Variants in HCN4 observed in about 807,000 individuals in gnomAD.
The protein encoded by HCN4 is hyperpolarization activated cyclic nucleotide gated potassium channel 4.
A neutral mutation model predicts 76.9 loss-of-function variants in HCN4; 29 were observed. The ratio of observed to expected loss-of-function variants is 0.38; its 90% CI spans 0.28 to 0.51. The LOEUF is 0.51. Ranked by LOEUF, HCN4 falls within the 20% of genes least tolerant of loss-of-function variation. The pLI is 0.90. For synonymous variants in HCN4, 772 were observed against 762.5 expected (o/e 1.01, Z -0.21); for missense variants, 1,416 against 1,715.2 (o/e 0.83, Z 3.08).
chr15:73,342,121 G>A (rs903286195), intron 2 of HCN4, among the ~76,000 whole-genome samples: 4 of 152,216 alleles, frequency 2.6e-5, no homozygotes, highest in Non-Finnish European at 5.9e-5. Context: ...TGCCGCTGCT[G>A]CCAAGTTGTG....
At chr15:73,349,443 T>C (rs933269943) in intron 1 of HCN4, among the ~76,000 whole-genome samples, 1 of 152,108 alleles carries the variant, frequency 6.6e-6, no homozygotes, top group Non-Finnish European at 1.5e-5. Context: ...TTGCCATATA[T>C]GGTGGGCCAA....
At chr15:73,366,185 A>G (rs1595836728) in intron 1 of HCN4, among the ~76,000 whole-genome samples, 1 of 152,070 alleles carries the variant, frequency 6.6e-6, no homozygotes, top group Admixed American at 6.5e-5. Flanking sequence ...AAAGGAAAAA[A>G]GGGGGGAGGG....
chr15:73,338,352 G>A (rs74022950), intron 2 of HCN4, among the ~76,000 whole-genome samples: 2,625 of 152,340 alleles, frequency 0.017, 83 homozygotes, highest in African/African-American at 0.059. Flanking sequence ...CCCGTCAGGC[G>A]GTCCAGGCAG....
At chr15:73,332,030 C>T (rs930560893) in intron 3 of HCN4, 101 bp downstream of exon 3, 3 of 1,194,736 alleles carry the variant, frequency 2.5e-6, no homozygotes, top group Admixed American at 3.4e-5. Context: ...ACTCAGGGTC[C>T]TACATGCTGG....
At chr15:73,364,333 A>T (rs1215328544) in intron 1 of HCN4, among the ~76,000 whole-genome samples, 1 of 151,626 alleles carries the variant, frequency 6.6e-6, no homozygotes, top group African/African-American at 2.4e-5. Flanking sequence ...ACCCAGGCTG[A>T]CTCCCTGAGC....
In HCN4 at chr15:73,328,770, G is replaced by A. The variant is rs2042915046; in HGVS notation, c.1590+803C>T. Among the ~76,000 whole-genome samples, 1 of 152,174 alleles carries A rather than the reference G, an allele frequency of 6.6e-6. No homozygotes were observed. The highest frequency in any genetic ancestry group is 1.5e-5 in the Non-Finnish European group (1 of 68,028). ...GAGGGGGCTGCTGTTGAGACCCCAG[G>A]GAGAGATGAAGCTGGGGACGGGGGA... On this transcript the variant is annotated intron_variant, in intron 4 of 7. Coordinates refer to ENST00000261917, the MANE Select transcript of HCN4 (RefSeq NM_005477.3). The surrounding 1 kb of genome is among the most constrained non-coding windows in gnomAD (Gnocchi z 4.0).
In HCN4 at chr15:73,322,525, C is replaced by A; in HGVS notation, c.3568G>T (p.Ala1190Ser). 1.2e-6 allele frequency: 2 copies of A among 1,603,696 alleles called. No homozygotes were observed. The highest frequency in any genetic ancestry group is 1.3e-5 in the African/African-American group (1 of 74,838). ...TTGGAGCGCACTGGCTCAGGCCTGG[C>A]CCCAGGTTCCCTCTGGGGTCCAGCA... Reference protein sequence around the residue: ...LTAGPQREPGARPEPVRSKLP... With the variant: ...LTAGPQREPGSRPEPVRSKLP... The change falls in exon 8 of 8, where the codon GCC becomes TCC. Residue 1190 changes from alanine to serine, a missense_variant. Transcript: ENST00000261917.
rs1009333860 is a variant in HCN4, at chr15:73,368,154, G to A, written c.117C>T (p.Gly39=). The part of the protein sequence containing the change: ...EEDAEEEGAG[G]RQDPSRRSIR... ...TGCTCCTGCGGCTGGGGTCTTGGCGGCCCCCGGCCCCCTCCTCCTCGGCGT... is the reference window on the plus strand; with the variant it reads ...TGCTCCTGCGGCTGGGGTCTTGGCGACCCCCGGCCCCCTCCTCCTCGGCGT... Residue 39 remains glycine, a synonymous_variant, in exon 1 of 8, where the codon GGC becomes GGT. Transcript: ENST00000261917. This position sits in a 1 kb window ranked among gnomAD's most constrained non-coding sequence, Gnocchi z 6.9. 6 of 1,523,510 alleles carry A rather than the reference G, an allele frequency of 3.9e-6. 1 individual carries two copies. In the South Asian group the frequency reaches 4.9e-5, roughly 12 times the overall value. The allele number at this position is 1,523,510 out of a possible 1,614,324, so 94.4% of individuals were successfully genotyped here.
chr15:73,357,670 G>A lies in HCN4; in HGVS notation c.785+9816C>T, dbSNP rs1229241648. Among the ~76,000 whole-genome samples the A allele has an allele frequency of 2.0e-5, 3 of 152,034 alleles. No individual in the cohort carries two copies. The East Asian group carries it at 5.8e-4, about 29-fold the overall frequency. On this transcript the variant is annotated intron_variant, in intron 1 of 7. Coordinates refer to ENST00000261917, the MANE Select transcript of HCN4 (RefSeq NM_005477.3). Reference sequence around the variant, plus strand: ...CCGGAAACAAAGAAAAGAAAGCCTGGCCTCCATCCACGGAGGCCATGACCT... The same window carrying A: ...CCGGAAACAAAGAAAAGAAAGCCTGACCTCCATCCACGGAGGCCATGACCT...
Position 73,353,778 on chromosome 15 carries a change from T to C in HCN4, c.786-9970A>G, listed in dbSNP as rs2043065655. 2.0e-5 allele frequency among the ~76,000 whole-genome samples: 3 copies of C among 152,194 alleles called. No homozygotes were observed. The East Asian group carries it at 5.8e-4, about 29-fold the overall frequency. On this transcript the variant is annotated intron_variant, in intron 1 of 7. Coordinates refer to ENST00000261917, the MANE Select transcript of HCN4 (RefSeq NM_005477.3). ...TGGGGCTGGCATCTTAGCCTCCCCCTGTACCCTCAGGGTTGAAATCACCTC... is the reference window on the plus strand; with the variant it reads ...TGGGGCTGGCATCTTAGCCTCCCCCCGTACCCTCAGGGTTGAAATCACCTC...
At chr15:73,357,672 C>T (rs1163805030) in intron 1 of HCN4, among the ~76,000 whole-genome samples, 1 of 152,068 alleles carries the variant, frequency 6.6e-6, no homozygotes, top group Non-Finnish European at 1.5e-5. Flanking sequence ...AAAGCCTGGC[C>T]TCCATCCACG....
chr15:73,326,348 C>T (rs962640996), intron 4 of HCN4, among the ~76,000 whole-genome samples: 1 of 152,214 alleles, frequency 6.6e-6, no homozygotes, highest in African/African-American at 2.4e-5. Flanking sequence ...CACAGAAACA[C>T]CCACGGGCAA....
At chr15:73,334,105 C>G (rs1289448399) in intron 2 of HCN4, among the ~76,000 whole-genome samples, 1 of 152,294 alleles carries the variant, frequency 6.6e-6, no homozygotes, top group East Asian at 1.9e-4. Flanking sequence ...TCTCGCCTCC[C>G]CAGCCCCTGC....
At chr15:73,349,363 CT>C (rs2043042551) in intron 1 of HCN4, among the ~76,000 whole-genome samples, 1 of 152,064 alleles carries the variant, frequency 6.6e-6, no homozygotes, top group Non-Finnish European at 1.5e-5. Flanking sequence ...AAAAAAACCC[CT>C]ATGAGGTAGA....
intron 2 of HCN4, among the ~76,000 whole-genome samples, chr15:73,341,331 G>A (rs145892374): frequency 0.069 from 10,483 of 151,568 alleles, 420 homozygotes; most frequent in Middle Eastern, 0.075. Context: ...TAGTAGAGAC[G>A]GGGTTTCACC....
chr15:73,332,358 C>T, intron 2 of HCN4, 66 bp from the exon 3 acceptor site: 2 of 1,534,678 alleles, frequency 1.3e-6, no homozygotes, highest in East Asian at 2.3e-5. Flanking sequence ...CGGCCACTTT[C>T]CCTGCCCTGG....
At chr15:73,361,934 T>C (rs1476423321) in intron 1 of HCN4, among the ~76,000 whole-genome samples, 1 of 152,222 alleles carries the variant, frequency 6.6e-6, no homozygotes, top group East Asian at 1.9e-4. Context: ...CATCTGCTCC[T>C]TTCCAGAAAT....
Position 73,352,632 on chromosome 15 carries a change from C to T in HCN4, c.786-8824G>A, listed in dbSNP as rs115145913. Among the ~76,000 whole-genome samples, 255 of 152,336 alleles carry T rather than the reference C, an allele frequency of 1.7e-3. 1 individual carries two copies. Among genetic ancestry groups the T allele is most frequent in the African/African-American group, 6.0e-3 (249 of 41,574 alleles). ...GCCCTGACTGTGTTTCCAGCCTGAG[C>T]TGTGCAGGCGGTGGGAGCAGAACCA... On this transcript the variant is annotated intron_variant, in intron 1 of 7. Coordinates refer to ENST00000261917, the MANE Select transcript of HCN4 (RefSeq NM_005477.3).
In HCN4 at chr15:73,325,970, G is replaced by A. The variant is rs578200536; in HGVS notation, c.1591-526C>T. On this transcript the variant is annotated intron_variant, in intron 4 of 7. Coordinates refer to ENST00000261917, the MANE Select transcript of HCN4 (RefSeq NM_005477.3). The surrounding 1 kb of genome is among the most constrained non-coding windows in gnomAD (Gnocchi z 7.4). ...CAAACGTGGCCTCAGCTGAGACCCC[G>A]GGTCATTTCGTTGAGAGCAACTCCA... Among the ~76,000 whole-genome samples, 13 of 152,236 alleles carry A rather than the reference G, an allele frequency of 8.5e-5. No individual in the cohort carries two copies. The highest frequency in any genetic ancestry group is 2.6e-4 in the African/African-American group (11 of 41,546).
Sources: allele counts gnomAD v4.1 joint callset (sites outside exome capture counted in the v4.1 genomes callset), GRCh38; gene constraint gnomAD v4.1.1; non-coding constraint Gnocchi (gnomAD v3.1); transcripts MANE v1.5; gene names NCBI Gene and HGNC (gene_info 2026-07-23, HGNC 2026-07-21).